RBFOX1: variants seen among roughly 807,000 people sequenced by gnomAD.
The protein encoded by RBFOX1 is RNA binding protein fox-1 homolog 1.
A neutral mutation model predicts 57.7 loss-of-function variants in RBFOX1; 8 were observed. The ratio of observed to expected loss-of-function variants is 0.14; its 90% CI spans 0.08 to 0.25. The LOEUF is 0.25. Among genes scored for constraint, RBFOX1 ranks in the 10% least tolerant of loss-of-function variants. The pLI, the probability that RBFOX1 is intolerant of heterozygous loss-of-function variation, is 1.00. For missense variants in RBFOX1, 611 were observed against 548.5 expected, an observed-to-expected ratio of 1.11 and a Z score of -1.14; for synonymous variants, 326 against 222.4, an observed-to-expected ratio of 1.47 and a Z score of -4.15.
intron 1 of RBFOX1, among the ~76,000 whole-genome samples, chr16:6,239,756 C>G (rs191532794): frequency 7.9e-5 from 12 of 152,290 alleles, no homozygotes; most frequent in African/African-American, 2.6e-4. Flanking sequence ...CTTGGCCTCC[C>G]AAAGTGCTGG....
At chr16:5,398,276 GGTGTGTGTGC>G (rs1567448149) in intron 1 of RBFOX1, among the ~76,000 whole-genome samples, 32 of 151,710 alleles carry the variant, frequency 2.1e-4, no homozygotes, top group African/African-American at 7.3e-4. Flanking sequence ...TGCACGTGCT[GGTGTGTGTGC>G]ATGTGTGCTT....
chr16:7,250,095 T>C lies in RBFOX1; in HGVS notation c.27+197997T>C, dbSNP rs541470179. ...TTTTTCCCATAGGGTTTTGAACCAG[T>C]TGTGTTTCCTCTGGGAAAATCTGCT... On this transcript the variant is annotated intron_variant, in intron 4 of 15. Coordinates refer to ENST00000550418, the MANE Select transcript of RBFOX1 (RefSeq NM_018723.4). 1.9e-4 allele frequency among the ~76,000 whole-genome samples: 29 copies of C among 152,320 alleles called. 1 individual carries two copies. The South Asian group carries it at 5.8e-3, about 30-fold the overall frequency.
intron 3 of RBFOX1, among the ~76,000 whole-genome samples, chr16:7,016,065 C>A (rs545751002): frequency 3.0e-4 from 45 of 152,202 alleles, no homozygotes; most frequent in African/African-American, 1.1e-3. Context: ...TTAAGTGAGA[C>A]CATAAGGCTT....
chr16:7,078,911 T>C (rs1222865736), intron 4 of RBFOX1, among the ~76,000 whole-genome samples: 1 of 129,782 alleles, frequency 7.7e-6, no homozygotes, highest in African/African-American at 2.8e-5. Context: ...GGTTTTACCA[T>C]GTTGTCCAGG....
intron 14 of RBFOX1, among the ~76,000 whole-genome samples, chr16:7,703,014 C>G (rs2081273584): frequency 6.6e-6 from 1 of 152,314 alleles, no homozygotes; most frequent in East Asian, 1.9e-4. Flanking sequence ...GACAGCAGAA[C>G]TGCTAAATCT....
chr16:6,753,440 A>G (rs765982756), intron 3 of RBFOX1, among the ~76,000 whole-genome samples: 2 of 152,138 alleles, frequency 1.3e-5, no homozygotes, highest in African/African-American at 4.8e-5. Context: ...TTATTTAGGG[A>G]TGCTTTCAGG....
At chr16:5,746,371 A>C (rs1597078744) in intron 3 of RBFOX1, among the ~76,000 whole-genome samples, 1 of 152,156 alleles carries the variant, frequency 6.6e-6, no homozygotes, top group Non-Finnish European at 1.5e-5. Context: ...GTCAGGTAGC[A>C]TGATGCTTCC....
chr16:7,022,944 C>G (rs963731098), intron 3 of RBFOX1, among the ~76,000 whole-genome samples: 1 of 152,108 alleles, frequency 6.6e-6, no homozygotes, highest in African/African-American at 2.4e-5. Flanking sequence ...TTCTTTATCA[C>G]TAAATAGACA....
At chr16:5,385,773 C>A (rs1411218151) in intron 1 of RBFOX1, among the ~76,000 whole-genome samples, 1 of 152,186 alleles carries the variant, frequency 6.6e-6, no homozygotes, top group Non-Finnish European at 1.5e-5. Context: ...TCACTCTGCA[C>A]TCGAGCAGTG....
chr16:6,375,778 A>G (rs1466331807), intron 2 of RBFOX1, among the ~76,000 whole-genome samples: 1 of 152,150 alleles, frequency 6.6e-6, no homozygotes, highest in Non-Finnish European at 1.5e-5. Context: ...CCAGAACCTC[A>G]GCACAAAGGG....
At chr16:6,975,601 A>T (rs1234379730) in intron 3 of RBFOX1, among the ~76,000 whole-genome samples, 1 of 152,152 alleles carries the variant, frequency 6.6e-6, no homozygotes, top group African/African-American at 2.4e-5. Context: ...CCTGGGAGAA[A>T]ATTGATCAGG....
chr16:7,367,875 CATGCGTGCAT>C (rs2097486591), intron 4 of RBFOX1, among the ~76,000 whole-genome samples: 1 of 127,084 alleles, frequency 7.9e-6, no homozygotes, highest in Admixed American at 8.6e-5. Flanking sequence ...CACGTGCACA[CATGCGTGCAT>C]ACACACACAC....
Position 6,942,779 on chromosome 16 carries a change from G to T in RBFOX1, c.-15-109278G>T, listed in dbSNP as rs1335309210. ...AAGCAGGTAAAAAATAAGGGCAAAT[G>T]GTTTTTATATATTGTCTCCAAGTCA... On this transcript the variant is annotated intron_variant, in intron 3 of 15. Transcript: ENST00000550418. Among the ~76,000 whole-genome samples the T allele has an allele frequency of 2.6e-5, 4 of 152,110 alleles. 1 individual carries two copies. The highest frequency in any genetic ancestry group is 4.4e-5 in the Non-Finnish European group (3 of 68,018).
chr16:6,415,843 G>A (rs914886371), intron 2 of RBFOX1, among the ~76,000 whole-genome samples: 18 of 152,200 alleles, frequency 1.2e-4, no homozygotes, highest in African/African-American at 3.6e-4. Flanking sequence ...TAGGGACTTC[G>A]AAGTCTCTAT....
chr16:6,577,694 G>C (rs564199303), intron 2 of RBFOX1, among the ~76,000 whole-genome samples: 2 of 152,222 alleles, frequency 1.3e-5, no homozygotes, highest in South Asian at 2.1e-4. Context: ...AGTCCACCTG[G>C]ATGTCTCACA....
intron 2 of RBFOX1, among the ~76,000 whole-genome samples, chr16:6,500,232 G>A (rs1263771510): frequency 2.6e-5 from 4 of 151,830 alleles, no homozygotes; most frequent in East Asian, 1.9e-4. Context: ...TTTCCTAATT[G>A]GCAAAATACC....
intron 2 of RBFOX1, among the ~76,000 whole-genome samples, chr16:5,497,938 G>A (rs1567163996): frequency 6.6e-6 from 1 of 152,156 alleles, no homozygotes; most frequent in African/African-American, 2.4e-5. Flanking sequence ...GGAAGAGCTT[G>A]CCATGGAGAG....
At position 7,462,607 on chromosome 16, in the gene RBFOX1, G is replaced by A. The variant is rs572726119; in HGVS notation, c.28-55540G>A. On this transcript the variant is annotated intron_variant, in intron 4 of 15. Coordinates refer to ENST00000550418, the MANE Select transcript of RBFOX1 (RefSeq NM_018723.4). ...TCCTCTGTTTAGAGATTCACAAGAC[G>A]GAAAGGCAGAAGTTAGCAGGGCTTT... is the stretch of plus-strand genomic sequence containing the variant. Among the ~76,000 whole-genome samples, 7 of 152,356 alleles carry A rather than the reference G, an allele frequency of 4.6e-5. No individual in the cohort carries two copies. The East Asian group carries it at 1.2e-3, about 25-fold the overall frequency.
At chr16:6,641,726 C>T (rs2098490104) in intron 2 of RBFOX1, among the ~76,000 whole-genome samples, 1 of 126,556 alleles carries the variant, frequency 7.9e-6, no homozygotes, top group East Asian at 2.2e-4. Context: ...CAGAGCAGGA[C>T]TCCGTCTCAA....
Sources: gnomAD v4.1 joint callset for allele counts (sites outside exome capture counted in the v4.1 genomes callset) on GRCh38, gnomAD v4.1.1 for gene constraint, MANE v1.5 for transcripts, NCBI Gene and HGNC (gene_info 2026-07-23, HGNC 2026-07-21) for gene names.